The following TBC1D1 variants were observed in gnomAD, a reference collection of about 807,000 sequenced individuals.
TBC1D1 encodes TBC1 domain family member 1, also known as TBC1 (tre-2/USP6, BUB2, cdc16) domain family, member 1.
Under a neutral mutation model 125.6 loss-of-function variants are expected in TBC1D1, and 89 were observed. That is an observed-to-expected ratio of 0.71 (90% CI 0.60 to 0.85). TBC1D1 has a LOEUF of 0.85. TBC1D1 is among the 40% of genes least tolerant of loss of function. The pLI, the probability that TBC1D1 is intolerant of heterozygous loss-of-function variation, is 0.00. For missense variants in TBC1D1, 1,377 were observed against 1,469.2 expected (o/e 0.94, Z 1.03); for synonymous variants, 565 against 564.1 (o/e 1.00, Z -0.02).
Position 37,995,888 on chromosome 4 carries a change from C to A in TBC1D1, c.418-18621C>A. On this transcript the variant is annotated intron_variant, in intron 2 of 19. Transcript: ENST00000261439. The surrounding 1 kb of genome is among the most constrained non-coding windows in gnomAD (Gnocchi z 4.3). ...TCTCTTTGAGAATCCAGACTTCTGGCTTAACCATGGCAAGCAGCGACAGGA... is the reference window on the plus strand; with the variant it reads ...TCTCTTTGAGAATCCAGACTTCTGGATTAACCATGGCAAGCAGCGACAGGA... 1.7e-6 allele frequency: 1 copy of A among 580,868 alleles called. No individual in the cohort carries two copies. The highest frequency in any genetic ancestry group is 3.4e-6 in the Non-Finnish European group (1 of 295,166). 36.0% of individuals were successfully genotyped at this position (580,868 alleles called of 1,614,324 possible). A position where few individuals can be genotyped will look rare whatever the true frequency, so the allele number is the denominator to read the frequency against.
In TBC1D1 at chr4:38,096,104, G is replaced by C. The variant is rs1418506540; in HGVS notation, c.2398+14G>C. On this transcript the variant is annotated intron_variant, in intron 14 of 19. Coordinates refer to ENST00000261439, the MANE Select transcript of TBC1D1 (RefSeq NM_015173.4). ...CTGTTGGGCAAGGTAAGCTTCATTGGGAAGCATCTAGTCAACCTCACCCCT... is the reference window on the plus strand; with the variant it reads ...CTGTTGGGCAAGGTAAGCTTCATTGCGAAGCATCTAGTCAACCTCACCCCT... The C allele has an allele frequency of 2.5e-6, 4 of 1,607,532 alleles. No individual in the cohort carries two copies. The highest frequency in any genetic ancestry group is 1.7e-5 in the Admixed American group (1 of 59,208).
intron 2 of TBC1D1, among the ~76,000 whole-genome samples, chr4:37,970,943 C>G (rs1047047692): frequency 7.2e-5 from 11 of 151,996 alleles, no homozygotes; most frequent in Non-Finnish European, 1.3e-4. Flanking sequence ...CCTCACTGGC[C>G]CCCCCCACTA....
At chr4:37,960,624 T>C (rs1296888483) in intron 2 of TBC1D1, 1 of 1,614,166 alleles carries the variant, frequency 6.2e-7, no homozygotes, top group East Asian at 2.2e-5. Flanking sequence ...CAGAAAGGCT[T>C]TGGGCACTGT....
At chr4:38,017,266 C>G (rs1279309084) in intron 3 of TBC1D1, among the ~76,000 whole-genome samples, 2 of 152,218 alleles carry the variant, frequency 1.3e-5, no homozygotes, top group African/African-American at 4.8e-5. Context: ...CAAATAGATA[C>G]TTATTCGTTG....
rs58659939 is a variant in TBC1D1, at chr4:38,052,167, C to CTGTGTGTGTGTGTGTG, written c.1911-2019_1911-2004dup. On this transcript the variant is annotated intron_variant, in intron 11 of 19. Coordinates refer to ENST00000261439, the MANE Select transcript of TBC1D1 (RefSeq NM_015173.4). ...AATGTCCATGCAGGAAGCAGAGCCA[C>CTGTGTGTGTGTGTGTG]TGTGTGTGTGTGTGTGTGTGTGTGT... 1,898 of 736,302 alleles carry CTGTGTGTGTGTGTGTG rather than the reference C, an allele frequency of 2.6e-3. 19 individuals carry two copies. The highest frequency in any genetic ancestry group is 0.019 in the African/African-American group (1,033 of 54,374). 45.6% of individuals were successfully genotyped at this position (736,302 alleles called of 1,614,324 possible).
At chr4:37,941,099 T>C (rs1725469866) in intron 2 of TBC1D1, among the ~76,000 whole-genome samples, 1 of 152,232 alleles carries the variant, frequency 6.6e-6, no homozygotes, top group African/African-American at 2.4e-5. Context: ...GAAGGAATGG[T>C]ACCAGCTCCT....
chr4:38,058,718 C>T (rs1170771857), intron 12 of TBC1D1, among the ~76,000 whole-genome samples: 1 of 152,076 alleles, frequency 6.6e-6, no homozygotes, highest in Non-Finnish European at 1.5e-5. Context: ...TCCATGTCAT[C>T]CCACTTGGAA....
rs1578542906 is a variant in TBC1D1, at chr4:38,070,823, A to G, written c.2050+16485A>G. Among the ~76,000 whole-genome samples the G allele has an allele frequency of 2.0e-5, 3 of 152,290 alleles. 1 individual carries two copies. Among genetic ancestry groups the G allele is most frequent in the Admixed American group, 2.0e-4 (3 of 15,298 alleles). On this transcript the variant is annotated intron_variant, in intron 12 of 19. Transcript: ENST00000261439. Reference sequence around the variant, plus strand: ...TTTTTGGTAGAAAAAACTAATTTCTAATTAAGGGAGAAACATTTGAAGTAC... The same window carrying G: ...TTTTTGGTAGAAAAAACTAATTTCTGATTAAGGGAGAAACATTTGAAGTAC...
intron 12 of TBC1D1, among the ~76,000 whole-genome samples, chr4:38,075,751 C>A (rs1284488442): frequency 6.6e-6 from 1 of 151,774 alleles, no homozygotes; most frequent in African/African-American, 2.4e-5. Flanking sequence ...ATAACTGGAG[C>A]CTATAGTAGT....
intron 2 of TBC1D1, among the ~76,000 whole-genome samples, chr4:37,979,880 A>G (rs182691589): frequency 1.4e-3 from 219 of 152,310 alleles, no homozygotes; most frequent in Admixed American, 0.011. Context: ...CCTGGGTTCA[A>G]GTGATTCTCC....
intron 2 of TBC1D1, among the ~76,000 whole-genome samples, chr4:38,004,263 TC>T (rs1156271839): frequency 6.6e-6 from 1 of 152,206 alleles, no homozygotes; most frequent in African/African-American, 2.4e-5. Flanking sequence ...CTGCTCCAGA[TC>T]CCTGGCTCCC....
At chr4:37,893,002 C>G (rs1041998605) in intron 1 of TBC1D1, among the ~76,000 whole-genome samples, 9 of 152,130 alleles carry the variant, frequency 5.9e-5, no homozygotes, top group African/African-American at 2.2e-4. Flanking sequence ...TGGTCCAGAT[C>G]TTCTAGGATC....
intron 12 of TBC1D1, among the ~76,000 whole-genome samples, chr4:38,076,798 GA>G (rs1248101935): frequency 1.3e-5 from 2 of 151,048 alleles, no homozygotes; most frequent in African/African-American, 2.4e-5. Context: ...TTTTCAGGAG[GA>G]AAAAAAACCC....
chr4:38,138,085 C>T lies in TBC1D1; in HGVS notation c.*750C>T, dbSNP rs1319939058. 6.6e-6 allele frequency: 1 copy of T among 152,038 alleles called. No homozygotes were observed. The highest frequency in any genetic ancestry group is 1.9e-4 in the East Asian group (1 of 5,184). 9.4% of individuals were successfully genotyped at this position (152,038 alleles called of 1,614,324 possible). A position where few individuals can be genotyped will look rare whatever the true frequency, so the allele number is the denominator to read the frequency against. On this transcript the variant is annotated 3_prime_UTR_variant, in exon 20 of 20. Transcript: ENST00000261439. ...TTAATTTGGATATCCTGATCACTGT[C>T]AAGTGAAATGGATCTCTCTCTTTGG... is the stretch of plus-strand genomic sequence containing the variant.
intron 10 of TBC1D1, among the ~76,000 whole-genome samples, chr4:38,047,029 T>G (rs1339529632): frequency 3.3e-5 from 5 of 152,218 alleles, no homozygotes; most frequent in Admixed American, 3.3e-4. Flanking sequence ...TGTGGCGTAG[T>G]TCACAAACAC....
chr4:37,975,646 T>C (rs1427182069), intron 2 of TBC1D1, among the ~76,000 whole-genome samples: 1 of 152,230 alleles, frequency 6.6e-6, no homozygotes, highest in Non-Finnish European at 1.5e-5. Context: ...GGAGCCCTCC[T>C]GGTGGCCCTG....
At chr4:38,060,956 T>C (rs1261418679) in intron 12 of TBC1D1, among the ~76,000 whole-genome samples, 3 of 152,224 alleles carry the variant, frequency 2.0e-5, no homozygotes, top group African/African-American at 7.2e-5. Context: ...GTTAGGCCTG[T>C]CTGTCAGGCT....
intron 2 of TBC1D1, chr4:38,007,048 C>G (rs1168471677): frequency 7.7e-6 from 3 of 391,642 alleles, no homozygotes; most frequent in Non-Finnish European, 1.5e-5. Flanking sequence ...GCGACTTCAC[C>G]AAATAGCTGA....
chr4:37,935,349 CA>C (rs1226876476), intron 2 of TBC1D1, among the ~76,000 whole-genome samples: 4 of 152,172 alleles, frequency 2.6e-5, no homozygotes, highest in Non-Finnish European at 5.9e-5. Flanking sequence ...TGAACATGCT[CA>C]ACTGAAGTCA....
Sources: gnomAD v4.1 joint callset for allele counts (sites outside exome capture counted in the v4.1 genomes callset) on GRCh38, gnomAD v4.1.1 for gene constraint, Gnocchi (gnomAD v3.1) non-coding constraint, MANE v1.5 for transcripts, NCBI Gene and HGNC (gene_info 2026-07-23, HGNC 2026-07-21) for gene names.